Variants in DNAH17 observed in about 807,000 individuals in gnomAD.
DNAH17 encodes the protein axonemal beta dynein heavy chain 17.
In DNAH17, 376 loss-of-function variants were observed where a neutral mutation model predicts 485.6. That is an observed-to-expected ratio of 0.77 (90% CI 0.71 to 0.84). The LOEUF (loss-of-function observed/expected upper bound fraction) is 0.84. Among genes scored for constraint, DNAH17 ranks in the 40% least tolerant of loss-of-function variants. The pLI, the probability that DNAH17 is intolerant of heterozygous loss-of-function variation, is 0.00. For missense variants in DNAH17, 6,370 were observed against 5,839.3 expected (o/e 1.09, Z -2.96); for synonymous variants, 3,031 against 2,405.9 (o/e 1.26, Z -7.60).
chr17:78,472,937 T>C (rs773051116), intron 54 of DNAH17, among the ~76,000 whole-genome samples: 14 of 152,140 alleles, frequency 9.2e-5, no homozygotes, highest in Non-Finnish European at 1.5e-4. Context: ...CATCTTGATG[T>C]AGTCTCGTTT....
chr17:78,468,459 G>A (rs1025989244), intron 55 of DNAH17, among the ~76,000 whole-genome samples, 158 bp downstream of exon 55: 9 of 152,002 alleles, frequency 5.9e-5, no homozygotes, highest in African/African-American at 2.2e-4. Context: ...TCCAGGCTCC[G>A]GTTCATCAGA....
intron 7 of DNAH17, 43 bp downstream of exon 7, chr17:78,570,204 C>G: frequency 6.5e-7 from 1 of 1,539,350 alleles, no homozygotes; most frequent in Non-Finnish European, 8.8e-7. Context: ...GGGGACCCAG[C>G]CAGGAGGGGA....
intron 16 of DNAH17, among the ~76,000 whole-genome samples, chr17:78,547,103 A>G (rs2091784125): frequency 6.6e-6 from 1 of 152,172 alleles, no homozygotes; most frequent in Admixed American, 6.5e-5. Context: ...ACCTTTTACA[A>G]CCGTATTTAT....
intron 25 of DNAH17, among the ~76,000 whole-genome samples, chr17:78,520,726 AG>A (rs869288817): frequency 1.2e-5 from 1 of 81,282 alleles, no homozygotes; most frequent in African/African-American, 4.3e-5. Flanking sequence ...AAAAAATCAA[AG>A]AAGAGCCAAA....
chr17:78,556,911 G>A (rs901496782), intron 14 of DNAH17, among the ~76,000 whole-genome samples: 2 of 152,212 alleles, frequency 1.3e-5, no homozygotes, highest in Non-Finnish European at 2.9e-5. Flanking sequence ...AAAGCAGACA[G>A]AGAAAACAGA....
At chr17:78,502,371 A>G (rs931383106) in intron 33 of DNAH17, 4 of 445,506 alleles carry the variant, frequency 9.0e-6, no homozygotes, top group South Asian at 4.0e-5. Flanking sequence ...ATCAAAGTAC[A>G]TATTTCTGAA....
At chr17:78,536,630 G>A (rs1011733949) in intron 19 of DNAH17, among the ~76,000 whole-genome samples, 1 of 151,910 alleles carries the variant, frequency 6.6e-6, no homozygotes, top group Non-Finnish European at 1.5e-5. Flanking sequence ...GCAGTCAGCC[G>A]AGATTGAACC....
chr17:78,571,108 T>G, intron 5 of DNAH17, 75 bp from the exon 6 acceptor site: 1 of 1,403,256 alleles, frequency 7.1e-7, no homozygotes, highest in Non-Finnish European at 9.9e-7. Context: ...TGCGGCTCCA[T>G]GTGCTGAGAC....
At chr17:78,520,820 GC>G (rs1258471816) in intron 25 of DNAH17, among the ~76,000 whole-genome samples, 3 of 152,130 alleles carry the variant, frequency 2.0e-5, no homozygotes, top group Non-Finnish European at 4.4e-5. Flanking sequence ...TAGTTTTAAC[GC>G]AATTCCTATA....
intron 75 of DNAH17, among the ~76,000 whole-genome samples, chr17:78,429,920 G>A (rs1183749553): frequency 2.0e-5 from 3 of 152,206 alleles, no homozygotes; most frequent in African/African-American, 7.2e-5. Flanking sequence ...CAGTCACATA[G>A]AGGGTTTGAG....
chr17:78,496,100 C>T, intron 37 of DNAH17, 68 bp from the exon 38 acceptor site: 2 of 1,514,746 alleles, frequency 1.3e-6, no homozygotes, highest in Admixed American at 4.1e-5. Flanking sequence ...GAGAGGCCTT[C>T]ACATATGTTA....
At chr17:78,504,384 G>A (rs867377039) in intron 31 of DNAH17, among the ~76,000 whole-genome samples, 2 of 151,954 alleles carry the variant, frequency 1.3e-5, no homozygotes, top group African/African-American at 4.8e-5. Context: ...CTTTTAACTG[G>A]AAACACAGTG....
chr17:78,501,233 C>T lies in DNAH17; in HGVS notation c.5434G>A (p.Glu1812Lys). ...AGCCGCGGCGTGTTGCCCAGATACT[C>T]ATAGGAATACTGGATTTGGGCATCG... is the stretch of plus-strand genomic sequence containing the variant. ...ICDAQIQYSY[E>K]YLGNTPRLVI... The change falls in exon 35 of 81, where the codon GAG becomes AAG. Residue 1812 changes from glutamate (E) to lysine (K), a missense_variant. Transcript: ENST00000389840. 1 of 1,605,980 alleles carries T rather than the reference C, an allele frequency of 6.2e-7. No individual in the cohort carries two copies. The highest frequency in any genetic ancestry group is 8.5e-7 in the Non-Finnish European group (1 of 1,173,552).
chr17:78,460,647 G>C (rs1034184263), intron 58 of DNAH17, among the ~76,000 whole-genome samples: 2 of 152,206 alleles, frequency 1.3e-5, no homozygotes, highest in Admixed American at 1.3e-4. Context: ...CAACGCTCAG[G>C]TCAGAATGAG....
intron 16 of DNAH17, among the ~76,000 whole-genome samples, chr17:78,547,398 T>C (rs2091792128): frequency 1.3e-5 from 2 of 152,214 alleles, no homozygotes; most frequent in African/African-American, 4.8e-5. Flanking sequence ...GTCAAAAGGC[T>C]GCCTGATTTT....
In DNAH17 at chr17:78,492,769, G is replaced by A; in HGVS notation, c.6409-4C>T. 6.2e-7 allele frequency: 1 copy of A among 1,610,276 alleles called. No homozygotes were observed. The highest frequency in any genetic ancestry group is 1.1e-5 in the South Asian group (1 of 90,254). On this transcript the variant is annotated splice_polypyrimidine_tract_variant and splice_region_variant and intron_variant, in intron 41 of 80. Transcript: ENST00000389840. Reference sequence around the variant, plus strand: ...TCTTGTTGAGGGATTTGAGGACCTGGCGAAGGTGGGGGTCACTCACGTGTG... The same window carrying A: ...TCTTGTTGAGGGATTTGAGGACCTGACGAAGGTGGGGGTCACTCACGTGTG...
At position 78,437,767 on chromosome 17, in the gene DNAH17, C is replaced by T; in HGVS notation, c.11907G>A (p.Glu3969=). The change falls in exon 74 of 81, where the codon GAG becomes GAA. Residue 3969 remains glutamate (E), a synonymous_variant. Coordinates refer to ENST00000389840, the MANE Select transcript of DNAH17 (RefSeq NM_173628.4). ...TGTGGGTCTCGGGGCTGGGGGCAGG[C>T]TCCGCGCTGATGAACACCCGGTAGT... is the stretch of plus-strand genomic sequence containing the variant. ...HEDYRVFISA[E]PAPSPETHII... 1.2e-6 allele frequency: 2 copies of T among 1,612,554 alleles called. No homozygotes were observed. Among genetic ancestry groups the T allele is most frequent in the Non-Finnish European group, 1.7e-6 (2 of 1,179,772 alleles).
intron 17 of DNAH17, 33 bp downstream of exon 17, chr17:78,543,824 G>C (rs766091458): frequency 1.9e-6 from 3 of 1,613,810 alleles, no homozygotes; most frequent in Non-Finnish European, 2.5e-6. Context: ...AAAGCAAGTG[G>C]GTTCTCAAAA....
At position 78,441,211 on chromosome 17, in the gene DNAH17, G is replaced by A. The variant is rs769999329; in HGVS notation, c.11529-12C>T. 2.5e-6 allele frequency: 4 copies of A among 1,613,524 alleles called. No individual in the cohort carries two copies. Among genetic ancestry groups the A allele is most frequent in the Non-Finnish European group, 3.4e-6 (4 of 1,179,766 alleles). ...CCTCCACGAAGTTCCTAGGGGTGGAGTGCATCAGAGGCAGCGGAACCTGAG... is the reference window on the plus strand; with the variant it reads ...CCTCCACGAAGTTCCTAGGGGTGGAATGCATCAGAGGCAGCGGAACCTGAG... On this transcript the variant is annotated splice_polypyrimidine_tract_variant and intron_variant, in intron 71 of 80. Coordinates refer to ENST00000389840, the MANE Select transcript of DNAH17 (RefSeq NM_173628.4).
Sources: allele counts gnomAD v4.1 joint callset (sites outside exome capture counted in the v4.1 genomes callset), GRCh38; gene constraint gnomAD v4.1.1; transcripts MANE v1.5; gene names NCBI Gene and HGNC (gene_info 2026-07-23, HGNC 2026-07-21).